MUC6: variants seen among roughly 807,000 people sequenced by gnomAD.
The protein encoded by MUC6 is mucin-6.
MUC6 carries 188 observed loss-of-function variants against 201.5 expected under a neutral mutation model. The ratio of observed to expected loss-of-function variants is 0.93; its 90% CI spans 0.83 to 1.05. The LOEUF is 1.05. MUC6 is among the 50% of genes least tolerant of loss of function. The pLI, the probability that MUC6 is intolerant of heterozygous loss-of-function variation, is 0.00. For missense variants in MUC6, 2,706 were observed against 3,256.9 expected (o/e 0.83, Z 4.12); for synonymous variants, 1,228 against 1,389.4 (o/e 0.88, Z 2.58).
At chr11:1,030,113 T>C in intron 8 of MUC6, 100 bp downstream of exon 8, 2 of 1,321,990 alleles carry the variant, frequency 1.5e-6, no homozygotes, top group Non-Finnish European at 2.0e-6. Context: ...AGCAGAATGT[T>C]GGGGTGACCT....
chr11:1,021,129 T>A, intron 27 of MUC6, 86 bp downstream of exon 27: 1 of 1,311,058 alleles, frequency 7.6e-7, no homozygotes, highest in Admixed American at 2.9e-5. Context: ...CCCCGAGGGC[T>A]CTCTCCCTTG....
At chr11:1,013,665 G>C (rs772156081) in intron 32 of MUC6, 32 bp from the exon 33 acceptor site, 36 of 1,543,544 alleles carry the variant, frequency 2.3e-5, no homozygotes, top group Non-Finnish European at 3.0e-5. Flanking sequence ...GCAGGGTCAT[G>C]ACTGCTGCAG....
chr11:1,027,219 C>A (rs367853287), intron 17 of MUC6, 26 bp from the exon 18 acceptor site: 12 of 1,612,032 alleles, frequency 7.4e-6, no homozygotes, highest in African/African-American at 2.7e-5. Flanking sequence ...TGCGTGAGAC[C>A]CCGGGACCTG....
At position 1,036,646 on chromosome 11, in the gene MUC6, G is replaced by A. The variant is rs1053340654; in HGVS notation, c.10C>T (p.Arg4Trp). MVQ[R>W]WLLLSCCGAL... is the part of the protein sequence containing the mutation. ...CCGCAGCAGGACAGCAGCAGCCACC[G>A]CTGGACCATGGTGCACAGTGGAGAG... The change falls in exon 1 of 33, where the codon CGG (arginine) becomes TGG (tryptophan). Residue 4 changes from arginine (R) to tryptophan (W), a missense_variant. Physicochemically the swap from Arg to Trp is moderately radical, Grantham distance 101. Coordinates refer to ENST00000421673, the MANE Select transcript of MUC6 (RefSeq NM_005961.3). 8 of 1,547,234 alleles carry A rather than the reference G, an allele frequency of 5.2e-6. No homozygotes were observed. Among genetic ancestry groups the A allele is most frequent in the African/African-American group, 1.4e-5 (1 of 72,982 alleles).
Position 1,030,303 on chromosome 11 carries a change from G to T in MUC6, c.925C>A (p.Gln309Lys). Residue 309 changes from glutamine to lysine, a missense_variant, in exon 8 of 33, where the codon CAG (glutamine) becomes AAG (lysine). Coordinates refer to ENST00000421673, the MANE Select transcript of MUC6 (RefSeq NM_005961.3). ...VGQCPANQVY[Q>K]ECGSACVKTC... ...TTCACGCAGGCCGAGCCGCACTCCT[G>T]GTACACCTGGTTGGCCGGGCACTGA... 1 of 1,549,110 alleles carries T rather than the reference G, an allele frequency of 6.5e-7. No individual in the cohort carries two copies. Among genetic ancestry groups the T allele is most frequent in the East Asian group, 2.4e-5 (1 of 40,912 alleles).
rs1856872374 is a variant in MUC6 at position 1,023,456 on chromosome 11, ATGAG to A, written c.3526+49_3526+52del. ...CGTGTGAATGAATGAATGTGCATGA[ATGAG>A]TGAATGGGTCCCCCTGTGTATCTGC... On this transcript the variant is annotated intron_variant, in intron 26 of 32. Coordinates refer to ENST00000421673, the MANE Select transcript of MUC6 (RefSeq NM_005961.3). The A allele has an allele frequency of 2.0e-6, 3 of 1,535,226 alleles. No homozygotes were observed. In the Admixed American group the frequency reaches 5.9e-5, roughly 30 times the overall value.
In MUC6 at chr11:1,013,235, C is replaced by T; in HGVS notation, c.*221G>A. Reference sequence around the variant, plus strand: ...CCGTGACCACTGTCCGCCTCAGTCCCTCTCTGCTGGCTCAGGGTCTGCAGG... The same window carrying T: ...CCGTGACCACTGTCCGCCTCAGTCCTTCTCTGCTGGCTCAGGGTCTGCAGG... On this transcript the variant is annotated 3_prime_UTR_variant, in exon 33 of 33. Coordinates refer to ENST00000421673, the MANE Select transcript of MUC6 (RefSeq NM_005961.3). 1.7e-6 allele frequency: 1 copy of T among 579,288 alleles called. No individual in the cohort carries two copies. The allele number at this position is 579,288 out of a possible 1,614,324, so 35.9% of individuals were successfully genotyped here. A position where few individuals can be genotyped will look rare whatever the true frequency, so the allele number is the denominator to read the frequency against.
At position 1,016,503 on chromosome 11, in the gene MUC6, A is replaced by T. The variant is rs1290379961; in HGVS notation, c.6298T>A (p.Ser2100Thr). ...GTGATAGGTGATGACGGTGGCCTTG[A>T]GCTAGAGTTCTGAGGCAGCCAAGAC... ...SSSWLPQNSSSRPPSSPITTQ... is the reference protein window; with the variant it reads ...SSSWLPQNSSTRPPSSPITTQ... The change falls in exon 31 of 33, where the codon TCA becomes ACA. Residue 2100 changes from serine to threonine, a missense_variant. Physicochemically the swap from Ser to Thr is moderately conservative, Grantham distance 58 (BLOSUM62 1). Transcript: ENST00000421673. 1.3e-6 allele frequency: 2 copies of T among 1,599,494 alleles called. No homozygotes were observed. The highest frequency in any genetic ancestry group is 1.1e-5 in the South Asian group (1 of 90,442).
rs767778018 is a variant in MUC6 at position 1,031,876 on chromosome 11, A to G, written c.293T>C (p.Ile98Thr). 1.9e-6 allele frequency: 3 copies of G among 1,612,786 alleles called. No homozygotes were observed. Among genetic ancestry groups the G allele is most frequent in the Non-Finnish European group, 2.5e-6 (3 of 1,179,878 alleles). The change falls in exon 3 of 33, where the codon ATC becomes ACC. Residue 98 changes from isoleucine to threonine, a missense_variant. This residue lies in a region of MUC6 where 1,850 missense variants were observed against 1,958.3 expected (regional missense o/e 0.94). Coordinates refer to ENST00000421673, the MANE Select transcript of MUC6 (RefSeq NM_005961.3). ...RGPDGSISRIIVELGASVVTV... is the reference protein window; with the variant it reads ...RGPDGSISRITVELGASVVTV... ...GACGACGGAGGCCCCCAGCTCCACG[A>G]TGATCCGCGAGATGCTCCCGTCTGG...
In MUC6 at chr11:1,023,570, C is replaced by G; in HGVS notation, c.3465G>C (p.Trp1155Cys). 1 of 1,609,176 alleles carries G rather than the reference C, an allele frequency of 6.2e-7. No individual in the cohort carries two copies. The highest frequency in any genetic ancestry group is 8.5e-7 in the Non-Finnish European group (1 of 1,178,324). The stretch of plus-strand genomic sequence containing the variant: ...TGGGGCAGAGGCAGGGCTGGTAGTG[C>G]CACGTGCAGTTGGCCTCCTGTGTGT... ...YQYTQEANCT[W>C]HYQPCLCPSQ... is the part of the protein sequence containing the mutation. The change falls in exon 26 of 33, where the codon TGG becomes TGC. Residue 1155 changes from tryptophan to cysteine, a missense_variant. Physicochemically the swap from Trp to Cys is radical, Grantham distance 215. Transcript: ENST00000421673.
At chr11:1,019,645 A>T in intron 29 of MUC6, 149 bp from the exon 30 acceptor site, 1 of 737,660 alleles carries the variant, frequency 1.4e-6, no homozygotes, top group Admixed American at 2.4e-5. Context: ...TGCCTTTGTT[A>T]GGTCCTCCCA....
At position 1,031,984 on chromosome 11, in the gene MUC6, T is replaced by C. The variant is rs1857118203; in HGVS notation, c.185A>G (p.Asp62Gly). ...GATGTAGTTGCACGTCCCCGAGAAGTCGTACACGTGGTGGTCGAAGGTGGA... is the reference window on the plus strand; with the variant it reads ...GATGTAGTTGCACGTCCCCGAGAAGCCGTACACGTGGTGGTCGAAGGTGGA... ...HFSTFDHHVY[D>G]FSGTCNYIFA... is the part of the protein sequence containing the mutation. The change falls in exon 3 of 33, where the codon GAC becomes GGC. Residue 62 changes from aspartate (D) to glycine (G), a missense_variant. By Grantham distance (94) the Asp-to-Gly change is moderately conservative. Around this residue, in one of 10 missense-constraint regions of MUC6, gnomAD observed 1,850 missense variants for 1,958.3 expected, o/e 0.94. Coordinates refer to ENST00000421673, the MANE Select transcript of MUC6 (RefSeq NM_005961.3). The C allele has an allele frequency of 6.2e-7, 1 of 1,612,848 alleles. No homozygotes were observed. The highest frequency in any genetic ancestry group is 8.5e-7 in the Non-Finnish European group (1 of 1,179,680).
chr11:1,034,553 C>T (rs1386286136), intron 1 of MUC6, among the ~76,000 whole-genome samples: 1 of 152,014 alleles, frequency 6.6e-6, no homozygotes, highest in Non-Finnish European at 1.5e-5. Flanking sequence ...TGGGATGGGG[C>T]CCTCGCTGGC....
intron 31 of MUC6, among the ~76,000 whole-genome samples, chr11:1,014,412 C>T (rs1357497413): frequency 6.6e-6 from 1 of 152,180 alleles, no homozygotes; most frequent in Non-Finnish European, 1.5e-5. Flanking sequence ...GTGCCAGTGA[C>T]CCCAGAGCGG....
Position 1,016,972 on chromosome 11 carries a change from GGTGT to G in MUC6, c.5825_5828del (p.His1942ProfsTer42), listed in dbSNP as rs1856638860. 6.4e-7 allele frequency: 1 copy of G among 1,558,428 alleles called. No homozygotes were observed. The highest frequency in any genetic ancestry group is 1.8e-5 in the Admixed American group (1 of 56,898). ...CCACAGGGGTTCTGGTGCCTGTACT[GGTGT>G]GTTTGGGGGTGATGTTGGTGGTAGA... On this transcript the variant is annotated frameshift_variant, in exon 31 of 33. Transcript: ENST00000421673. LOFTEE classifies it high-confidence loss of function.
chr11:1,029,321 G>C lies in MUC6; in HGVS notation c.1182C>G (p.Pro394=), dbSNP rs762323701. ...GRWVCTERPC[P]GHCSLEGGSF... ...AGCCACCTTCCAGGGAGCAGTGTCC[G>C]GGGCACGGCCGCTCCGTGCACACCC... Residue 394 remains proline, a synonymous_variant, in exon 10 of 33, where the codon CCC becomes CCG. Transcript: ENST00000421673. 1 of 1,605,140 alleles carries C rather than the reference G, an allele frequency of 6.2e-7. No homozygotes were observed. Among genetic ancestry groups the C allele is most frequent in the Admixed American group, 1.7e-5 (1 of 58,888 alleles).
chr11:1,019,937 G>T (rs1258614196), intron 29 of MUC6, 153 bp downstream of exon 29: 3 of 1,071,012 alleles, frequency 2.8e-6, no homozygotes, highest in Non-Finnish European at 2.8e-6. Context: ...AAAATCCCCA[G>T]TTTGGCTCCC....
Position 1,031,279 on chromosome 11 carries a change from TGGGGGCCC to T in MUC6, c.484-28_484-21del, listed in dbSNP as rs761690553. ...CAGAACCTGCGGGAGACGGCTCTGC[TGGGGGCCC>T]GGGGGCCAGGGGCCCCCTCATCTGC... On this transcript the variant is annotated intron_variant, in intron 4 of 32. Coordinates refer to ENST00000421673, the MANE Select transcript of MUC6 (RefSeq NM_005961.3). 230 of 1,552,138 alleles carry T rather than the reference TGGGGGCCC, an allele frequency of 1.5e-4. 1 individual carries two copies. In the Middle Eastern group the frequency reaches 3.9e-3, roughly 26 times the overall value.
chr11:1,027,199 AGAGAGAGGCTGCGT>A lies in MUC6; in HGVS notation c.2232-20_2232-7del. The A allele has an allele frequency of 6.2e-7, 1 of 1,612,322 alleles. No individual in the cohort carries two copies. On this transcript the variant is annotated splice_region_variant and splice_polypyrimidine_tract_variant and intron_variant, in intron 17 of 32. Transcript: ENST00000421673. ...GCCGCCCGTTGATGCAGTGGCTGCAAGAGAGAGGCTGCGTGAGACCCCGGGACCTGGCAGGGACC... is the reference window on the plus strand; with the variant it reads ...GCCGCCCGTTGATGCAGTGGCTGCAAGAGACCCCGGGACCTGGCAGGGACC...
Sources: gnomAD v4.1 joint callset for allele counts (sites outside exome capture counted in the v4.1 genomes callset) on GRCh38, gnomAD v4.1.1 for gene constraint, gnomAD v4.1.1 regional missense constraint, MANE v1.5 for transcripts, NCBI Gene and HGNC (gene_info 2026-07-23, HGNC 2026-07-21) for gene names.